Variants in IGSF1 observed in about 807,000 individuals in gnomAD.
IGSF1 encodes the protein immunoglobulin superfamily member 1, also known as immunoglobulin-like domain-containing protein 1.
In IGSF1, 40 loss-of-function variants were observed where a neutral mutation model predicts 95.3. That is an observed-to-expected ratio of 0.42 (90% CI 0.33 to 0.55). The LOEUF (loss-of-function observed/expected upper bound fraction) is 0.55, where lower values mean the gene tolerates loss of function less well. IGSF1 is among the 20% of genes least tolerant of loss of function. The probability of loss-of-function intolerance (pLI) is 0.10; values close to 1 mark genes in which losing one functional copy is unlikely to be tolerated. For missense variants in IGSF1, 906 were observed against 1,025.4 expected, an observed-to-expected ratio of 0.88 and a Z score of 1.59; for synonymous variants, 372 against 382.9, an observed-to-expected ratio of 0.97 and a Z score of 0.33.
chrX:131,275,350 C>T, intron 16 of IGSF1, 64 bp from the exon 17 acceptor site: 1 of 1,149,084 alleles, frequency 8.7e-7, no homozygotes, highest in Non-Finnish European at 1.2e-6. Flanking sequence ...CCCCTGGGGT[C>T]TCTGCTCAAT....
chrX:131,285,080 G>A, intron 5 of IGSF1, 99 bp downstream of exon 5: 4 of 1,124,693 alleles, frequency 3.6e-6, no homozygotes, highest in Non-Finnish European at 4.7e-6. Context: ...GCAGGGCCTA[G>A]AAACTGGCTG....
intron 1 of IGSF1, among the ~76,000 whole-genome samples, chrX:131,287,900 T>C (rs2080665022): frequency 9.0e-6 from 1 of 111,673 alleles, no homozygotes; most frequent in Non-Finnish European, 1.9e-5. Flanking sequence ...CCAGCTGTTA[T>C]TAAATCTTAG....
Position 131,275,877 on chromosome X carries a change from A to C in IGSF1, c.2896+84T>G, listed in dbSNP as rs1056672499. On this transcript the variant is annotated intron_variant, in intron 15 of 19. Transcript: ENST00000361420. Reference sequence around the variant, plus strand: ...GCACGGTAGTTCCCCTCCGTGGCCTAGCCTAGCCTTCCAGGAGGAATTACT... The same window carrying C: ...GCACGGTAGTTCCCCTCCGTGGCCTCGCCTAGCCTTCCAGGAGGAATTACT... 4 of 1,154,813 alleles carry C rather than the reference A, an allele frequency of 3.5e-6. No individual in the cohort carries two copies. In the East Asian group the frequency reaches 1.2e-4, roughly 34 times the overall value.
In IGSF1 at chrX:131,286,336, T is replaced by A. The variant is rs186775249; in HGVS notation, c.97+101A>T. The A allele has an allele frequency of 1.3e-4, 99 of 734,621 alleles. No homozygotes were observed. In the Admixed American group the frequency reaches 2.4e-3, roughly 18 times the overall value. 60.5% of individuals were successfully genotyped at this position (734,621 alleles called of 1,213,427 possible). A position where few individuals can be genotyped will look rare whatever the true frequency, so the allele number is the denominator to read the frequency against. On this transcript the variant is annotated intron_variant, in intron 3 of 19. Transcript: ENST00000361420. ...CCTCTGATTCCCAATCAGCCCAATCTATCTCTGGAATCTCAAGGCATTATG... is the reference window on the plus strand; with the variant it reads ...CCTCTGATTCCCAATCAGCCCAATCAATCTCTGGAATCTCAAGGCATTATG...
At position 131,279,286 on chromosome X, in the gene IGSF1, C is replaced by T. The variant is rs761349007; in HGVS notation, c.1702G>A (p.Ala568Thr). ...TTGTACTCACCACAGCAGAGAAGGG[C>T]CGTGACTATGAAGAGCATGGTGACC... Reference protein sequence around the residue: ...QGVTMLFIVTALLCCGLCNGV... With the variant: ...QGVTMLFIVTTLLCCGLCNGV... The change falls in exon 10 of 20, where the codon GCC (alanine) becomes ACC (threonine). Residue 568 changes from alanine (A) to threonine (T), a missense_variant. Physicochemically the swap from Ala to Thr is moderately conservative, Grantham distance 58 (BLOSUM62 0). Around this residue, in one of 5 missense-constraint regions of IGSF1, gnomAD observed 442 missense variants for 448.1 expected, o/e 0.99. Coordinates refer to ENST00000361420, the MANE Select transcript of IGSF1 (RefSeq NM_001555.5). 8.3e-7 allele frequency: 1 copy of T among 1,211,072 alleles called. No homozygotes were observed. The highest frequency in any genetic ancestry group is 1.7e-5 in the African/African-American group (1 of 57,656).
In IGSF1 at chrX:131,286,012, T is replaced by C. The variant is rs183437257; in HGVS notation, c.134A>G (p.Asn45Ser). ...DPQPELWIESNYPQAPWENIT... is the reference protein window; with the variant it reads ...DPQPELWIESSYPQAPWENIT... ...GTTCTCCCAAGGGGCCTGGGGGTAG[T>C]TGGACTCTATCCACAACTCTGGTTG... Residue 45 changes from asparagine (N) to serine (S), a missense_variant, in exon 4 of 20, where the codon AAC becomes AGC. Asn to Ser is a conservative substitution (Grantham distance 46). This residue lies in a region of IGSF1 where 442 missense variants were observed against 448.1 expected (regional missense o/e 0.99). Transcript: ENST00000361420. The C allele has an allele frequency of 7.5e-6, 9 of 1,206,559 alleles. No homozygotes were observed. The highest frequency in any genetic ancestry group is 1.0e-5 in the Non-Finnish European group (9 of 893,269).
chrX:131,284,719 G>GTT (rs201348749), intron 5 of IGSF1: 1,059 of 716,282 alleles, frequency 1.5e-3, no homozygotes, highest in Middle Eastern at 3.9e-3. Flanking sequence ...TTTGTCATTT[G>GTT]TTTTTTTTTG....
At position 131,277,057 on chromosome X, in the gene IGSF1, A is replaced by G. The variant is rs774178023; in HGVS notation, c.2490T>C (p.Ser830=). The G allele has an allele frequency of 3.6e-5, 43 of 1,209,109 alleles. No individual in the cohort carries two copies. The African/African-American group carries it at 7.2e-4, about 20-fold the overall frequency. Residue 830 remains serine, a synonymous_variant, in exon 14 of 20, where the codon AGT becomes AGC. Coordinates refer to ENST00000361420, the MANE Select transcript of IGSF1 (RefSeq NM_001555.5). The part of the protein sequence containing the change: ...SDRSWASPGA[S]AAHFLIISVG... ...CCGAAATGATTAGAAAGTGAGCTGC[A>G]CTGGCCCCCGGACTTGCCCAGGACC...
Position 131,278,572 on chromosome X carries a change from C to G in IGSF1, c.1930G>C (p.Ala644Pro). The G allele has an allele frequency of 8.3e-7, 1 of 1,211,080 alleles. No homozygotes were observed. The highest frequency in any genetic ancestry group is 1.1e-6 in the Non-Finnish European group (1 of 894,681). The change falls in exon 12 of 20, where the codon GCC becomes CCC. Residue 644 changes from alanine (A) to proline (P), a missense_variant. Around this residue, in one of 5 missense-constraint regions of IGSF1, gnomAD observed 40 missense variants for 33.4 expected, o/e 1.20. Coordinates refer to ENST00000361420, the MANE Select transcript of IGSF1 (RefSeq NM_001555.5). Reference protein sequence around the residue: ...TRPASEQVRAAFPLGALTQSH... With the variant: ...TRPASEQVRAPFPLGALTQSH... ...TGGGTCAGGGCGCCAAGGGGGAAGGCAGCCCGGACCTGCTCTGAGGCCGGG... is the reference window on the plus strand; with the variant it reads ...TGGGTCAGGGCGCCAAGGGGGAAGGGAGCCCGGACCTGCTCTGAGGCCGGG...
At chrX:131,287,077 G>A (rs28374478) in intron 1 of IGSF1, among the ~76,000 whole-genome samples, 1 of 105,701 alleles carries the variant, frequency 9.5e-6, no homozygotes, top group Non-Finnish European at 1.9e-5. Context: ...ATATACGTAT[G>A]TTTATATACG....
chrX:131,274,910 A>G (rs199540826), intron 17 of IGSF1, 33 bp from the exon 18 acceptor site: 18 of 1,204,608 alleles, frequency 1.5e-5, no homozygotes, highest in Non-Finnish European at 2.0e-5. Flanking sequence ...GTTAAAAGAA[A>G]TGATCCTGAA....
chrX:131,279,617 T>C (rs1250768791), intron 9 of IGSF1, among the ~76,000 whole-genome samples: 1 of 107,962 alleles, frequency 9.3e-6, no homozygotes. Flanking sequence ...GGCCCCTGAT[T>C]AGGTTGTTGC....
chrX:131,276,991 A>G lies in IGSF1; in HGVS notation c.2556T>C (p.Tyr852=), dbSNP rs4830219. ...TGGGCTCAGACCAGATAGAAAAGTC[A>G]TAATATCGGCAGCTGTAATTCCCTC... ...GDGGNYSCRY[Y]DFSIWSEPSD... The change falls in exon 14 of 20, where the codon TAT becomes TAC. Residue 852 remains tyrosine, a synonymous_variant. Transcript: ENST00000361420. The G allele has an allele frequency of 0.33, 395,026 of 1,208,294 alleles. 46,618 individuals are homozygous for G. Among genetic ancestry groups the G allele is most frequent in the African/African-American group, 0.43 (24,233 of 56,652 alleles).
At chrX:131,284,802 T>C (rs2080609672) in intron 5 of IGSF1, 2 of 873,607 alleles carry the variant, frequency 2.3e-6, no homozygotes, top group Admixed American at 1.3e-4. Context: ...TAAAATACAT[T>C]TGCAAATTTA....
intron 18 of IGSF1, 86 bp from the exon 19 acceptor site, chrX:131,274,292 C>A: frequency 8.9e-7 from 1 of 1,124,481 alleles, no homozygotes; most frequent in Non-Finnish European, 1.2e-6. Context: ...CACACTCTGG[C>A]CTTCTTTAGG....
Position 131,274,595 on chromosome X carries a change from T to C in IGSF1, c.3751+4A>G. On this transcript the variant is annotated splice_donor_region_variant and intron_variant, in intron 18 of 19. Transcript: ENST00000361420. ...CCAGGACCATGGAGAGATTATTCTC[T>C]TACCTGCTGCCCCCACCAGCTCCAG... 8.3e-7 allele frequency: 1 copy of C among 1,208,577 alleles called. No homozygotes were observed. The highest frequency in any genetic ancestry group is 1.1e-6 in the Non-Finnish European group (1 of 893,831).
intron 5 of IGSF1, chrX:131,284,542 A>G (rs754443953): frequency 1.3e-6 from 1 of 753,518 alleles, no homozygotes; most frequent in Non-Finnish European, 1.6e-6. Context: ...TCCATCTAGA[A>G]ACCTCCAGGC....
At position 131,279,251 on chromosome X, in the gene IGSF1, C is replaced by G; in HGVS notation, c.1717+20G>C. On this transcript the variant is annotated intron_variant, in intron 10 of 19. Coordinates refer to ENST00000361420, the MANE Select transcript of IGSF1 (RefSeq NM_001555.5). ...CACCCCGGCCTTCTGCCCGGGGCCCCTTCCCCCACTTGTACTCACCACAGC... is the reference window on the plus strand; with the variant it reads ...CACCCCGGCCTTCTGCCCGGGGCCCGTTCCCCCACTTGTACTCACCACAGC... 1 of 1,210,197 alleles carries G rather than the reference C, an allele frequency of 8.3e-7. No individual in the cohort carries two copies. The highest frequency in any genetic ancestry group is 1.1e-6 in the Non-Finnish European group (1 of 894,021).
intron 9 of IGSF1, among the ~76,000 whole-genome samples, chrX:131,279,555 C>G (rs1236299184): frequency 1.8e-5 from 2 of 109,048 alleles, no homozygotes; most frequent in Non-Finnish European, 3.8e-5. Context: ...ACCCACGTGT[C>G]CCCCCCGCCC....
Sources: gnomAD v4.1 joint callset for allele counts (sites outside exome capture counted in the v4.1 genomes callset) on GRCh38, gnomAD v4.1.1 for gene constraint, gnomAD v4.1.1 regional missense constraint, MANE v1.5 for transcripts, NCBI Gene and HGNC (gene_info 2026-07-23, HGNC 2026-07-21) for gene names.